The following MEGF11 variants were observed in gnomAD, a reference collection of about 807,000 sequenced individuals.
The protein encoded by MEGF11 is multiple epidermal growth factor-like domains protein 11.
In MEGF11, 126 loss-of-function variants were observed where a neutral mutation model predicts 146.6. The ratio of observed to expected loss-of-function variants is 0.86; its 90% CI spans 0.74 to 1.00. The LOEUF (loss-of-function observed/expected upper bound fraction) is 1.00, where lower values mean the gene tolerates loss of function less well. Among genes scored for constraint, MEGF11 ranks in the 50% least tolerant of loss-of-function variants. The pLI is 0.00. For missense variants in MEGF11, 1,509 were observed against 1,521.2 expected (o/e 0.99, Z 0.13); for synonymous variants, 532 against 583.4 (o/e 0.91, Z 1.27).
intron 5 of MEGF11, among the ~76,000 whole-genome samples, chr15:66,054,741 G>A (rs1424904122): frequency 6.6e-6 from 1 of 152,164 alleles, no homozygotes; most frequent in Non-Finnish European, 1.5e-5. Flanking sequence ...CAGTCATTGA[G>A]AGGTGCTCTT....
chr15:65,953,628 G>C (rs2080478417), intron 10 of MEGF11, among the ~76,000 whole-genome samples: 1 of 152,188 alleles, frequency 6.6e-6, no homozygotes, highest in Non-Finnish European at 1.5e-5. Context: ...ATGGGGGTCT[G>C]ATTAGTCTTT....
In MEGF11 at chr15:66,137,451, C is replaced by T. The variant is rs146487305; in HGVS notation, c.-8-9040G>A. On this transcript the variant is annotated intron_variant, in intron 1 of 25. Transcript: ENST00000395614. Reference sequence around the variant, plus strand: ...TATAAACTGTGTGTGCACGGGCATACGGTGTGCGTGTGCCAACAGTGAGGG... The same window carrying T: ...TATAAACTGTGTGTGCACGGGCATATGGTGTGCGTGTGCCAACAGTGAGGG... Among the ~76,000 whole-genome samples the T allele has an allele frequency of 1.8e-4, 27 of 152,212 alleles. No homozygotes were observed. The East Asian group carries it at 4.6e-3, about 26-fold the overall frequency.
intron 5 of MEGF11, among the ~76,000 whole-genome samples, chr15:66,006,512 G>C (rs955477131): frequency 6.6e-6 from 1 of 152,174 alleles, no homozygotes; most frequent in African/African-American, 2.4e-5. Flanking sequence ...AGCTCTAAGG[G>C]CATGACTTAT....
chr15:66,032,732 A>G (rs1446025015), intron 5 of MEGF11, among the ~76,000 whole-genome samples: 1 of 152,246 alleles, frequency 6.6e-6, no homozygotes. Context: ...CTGGTGGGAG[A>G]AATATCTAAG....
At chr15:65,927,081 T>C (rs1225189034) in intron 13 of MEGF11, among the ~76,000 whole-genome samples, 1 of 152,236 alleles carries the variant, frequency 6.6e-6, no homozygotes, top group African/African-American at 2.4e-5. Context: ...TATATTTCTT[T>C]CTCTTTGCTG....
rs116995756 is a variant in MEGF11 at position 66,167,932 on chromosome 15, C to G, written c.-8-39521G>C. Reference sequence around the variant, plus strand: ...GCCTCAGGGGATGTAGCCTTTCCCCCCTGAACCCCTGCTGGGCAGGCAGCA... The same window carrying G: ...GCCTCAGGGGATGTAGCCTTTCCCCGCTGAACCCCTGCTGGGCAGGCAGCA... On this transcript the variant is annotated intron_variant, in intron 1 of 25. Transcript: ENST00000395614. 2.9e-3 allele frequency among the ~76,000 whole-genome samples: 436 copies of G among 152,272 alleles called. 3 individuals carry two copies. The highest frequency in any genetic ancestry group is 0.016 in the East Asian group (82 of 5,162).
intron 11 of MEGF11, 66 bp from the exon 12 acceptor site, chr15:65,929,949 C>T: frequency 6.8e-7 from 1 of 1,476,522 alleles, no homozygotes. Flanking sequence ...TGCCCACTCC[C>T]CCCAGCTCTG....
chr15:65,980,395 CTTTTTTTTTTT>C (rs60154748), intron 7 of MEGF11, among the ~76,000 whole-genome samples: 3,867 of 88,350 alleles, frequency 0.044, 115 homozygotes, highest in South Asian at 0.095. Context: ...AAGAATTCAG[CTTTTTTTTTTT>C]TTTTTTTTTT....
At chr15:66,072,884 T>C (rs2085425811) in intron 5 of MEGF11, among the ~76,000 whole-genome samples, 1 of 152,238 alleles carries the variant, frequency 6.6e-6, no homozygotes, top group Non-Finnish European at 1.5e-5. Context: ...AAGGCCCCGG[T>C]CTCTGCCTTG....
intron 10 of MEGF11, among the ~76,000 whole-genome samples, chr15:65,954,577 G>A (rs1310266603): frequency 3.3e-5 from 5 of 152,200 alleles, no homozygotes; most frequent in South Asian, 2.1e-4. Flanking sequence ...ATGGGAATTC[G>A]CTGGGTCTCA....
At chr15:66,141,963 G>A (rs1314215591) in intron 1 of MEGF11, among the ~76,000 whole-genome samples, 1 of 151,796 alleles carries the variant, frequency 6.6e-6, no homozygotes, top group Non-Finnish European at 1.5e-5. Context: ...TGTGTGTTGG[G>A]TCGGTGGGGG....
chr15:65,972,694 T>A (rs2081332459), intron 7 of MEGF11, among the ~76,000 whole-genome samples: 2 of 151,930 alleles, frequency 1.3e-5, no homozygotes, highest in Admixed American at 1.3e-4. Context: ...CAACTTAGAA[T>A]TCTACACCCA....
intron 5 of MEGF11, among the ~76,000 whole-genome samples, chr15:66,027,603 A>T (rs776706950): frequency 6.6e-6 from 1 of 152,206 alleles, no homozygotes; most frequent in Non-Finnish European, 1.5e-5. Context: ...CGAGCCAGGC[A>T]GTGCCTCAGA....
At chr15:66,031,180 A>T (rs1207434051) in intron 5 of MEGF11, among the ~76,000 whole-genome samples, 1 of 152,228 alleles carries the variant, frequency 6.6e-6, no homozygotes, top group East Asian at 1.9e-4. Context: ...TACCCAAGTA[A>T]AGGTCCCTTC....
At chr15:65,992,405 CT>C (rs2082071192) in intron 5 of MEGF11, among the ~76,000 whole-genome samples, 1 of 145,802 alleles carries the variant, frequency 6.9e-6, no homozygotes, top group African/African-American at 2.6e-5. Flanking sequence ...GCAGGAATCC[CT>C]ATTAAAATGC....
At chr15:66,075,878 G>T (rs1219809901) in intron 5 of MEGF11, among the ~76,000 whole-genome samples, 2 of 152,198 alleles carry the variant, frequency 1.3e-5, no homozygotes, top group East Asian at 1.9e-4. Flanking sequence ...ATGATATTTG[G>T]CAGGACCTCT....
chr15:66,046,832 T>G (rs2084224415), intron 5 of MEGF11, among the ~76,000 whole-genome samples: 1 of 152,006 alleles, frequency 6.6e-6, no homozygotes, highest in African/African-American at 2.4e-5. Context: ...TATTTTTCCC[T>G]CCCCTCTGCC....
chr15:66,178,367 C>T (rs2090448790), intron 1 of MEGF11, among the ~76,000 whole-genome samples: 1 of 152,144 alleles, frequency 6.6e-6, no homozygotes, highest in South Asian at 2.1e-4. Flanking sequence ...GGCAGTTGTC[C>T]AGCTCCATCC....
intron 7 of MEGF11, among the ~76,000 whole-genome samples, chr15:65,973,197 G>A (rs568912907): frequency 7.2e-6 from 1 of 138,270 alleles, no homozygotes; most frequent in East Asian, 1.9e-4. Flanking sequence ...GAAGACAGAG[G>A]TAAAAGGAAT....
Sources: gnomAD v4.1 joint callset for allele counts (sites outside exome capture counted in the v4.1 genomes callset) on GRCh38, gnomAD v4.1.1 for gene constraint, MANE v1.5 for transcripts, NCBI Gene and HGNC (gene_info 2026-07-23, HGNC 2026-07-21) for gene names.